The following CHRM3 variants were observed in gnomAD, a reference collection of about 807,000 sequenced individuals.
CHRM3 encodes cholinergic receptor muscarinic 3.
CHRM3 carries 11 observed loss-of-function variants against 41.8 expected under a neutral mutation model. The ratio of observed to expected loss-of-function variants is 0.26; its 90% CI spans 0.17 to 0.44. The LOEUF (loss-of-function observed/expected upper bound fraction) is 0.44. Ranked by LOEUF, CHRM3 falls within the 20% of genes least tolerant of loss-of-function variation. The probability of loss-of-function intolerance (pLI) is 1.00; values close to 1 mark genes in which losing one functional copy is unlikely to be tolerated. For synonymous variants in CHRM3, 297 were observed against 301.4 expected, an observed-to-expected ratio of 0.99 and a Z score of 0.15; for missense variants, 571 against 745.4, an observed-to-expected ratio of 0.77 and a Z score of 2.72.
rs1665208050 is a variant in CHRM3, at chr1:239,744,879, C to A, written c.-147+66591C>A. On this transcript the variant is annotated intron_variant, in intron 5 of 6. Transcript: ENST00000676153. ...GGGGAGTTGTCCATGAAGAGATGAT[C>A]CATTGGGGTGGGATCCTGAGCCTTG... Among the ~76,000 whole-genome samples the A allele has an allele frequency of 1.3e-5, 2 of 152,062 alleles. 1 individual carries two copies. Among genetic ancestry groups the A allele is most frequent in the African/African-American group, 4.8e-5 (2 of 41,478 alleles).
At chr1:239,552,507 T>TA (rs1553325442) in intron 3 of CHRM3, among the ~76,000 whole-genome samples, 4,048 of 145,836 alleles carry the variant, frequency 0.028, 84 homozygotes, top group Non-Finnish European at 0.044. Context: ...AATATATATT[T>TA]TATATATATA....
intron 2 of CHRM3, among the ~76,000 whole-genome samples, chr1:239,500,171 T>C (rs1668133786): frequency 6.6e-6 from 1 of 152,192 alleles, no homozygotes; most frequent in Admixed American, 6.5e-5. Context: ...GCAACACATA[T>C]GTTTATTGCA....
intron 2 of CHRM3, among the ~76,000 whole-genome samples, chr1:239,516,709 G>A (rs1288714703): frequency 2.0e-5 from 3 of 152,174 alleles, no homozygotes; most frequent in African/African-American, 7.2e-5. Flanking sequence ...GTCTGCTATG[G>A]CCTATTAGGA....
At chr1:239,713,486 A>G (rs1662021670) in intron 5 of CHRM3, among the ~76,000 whole-genome samples, 1 of 152,202 alleles carries the variant, frequency 6.6e-6, no homozygotes, top group African/African-American at 2.4e-5. Context: ...CAAGCTCCAA[A>G]TAAAATGTAA....
chr1:239,504,212 G>A (rs1392926728), intron 2 of CHRM3, among the ~76,000 whole-genome samples: 4 of 151,716 alleles, frequency 2.6e-5, no homozygotes, highest in African/African-American at 9.7e-5. Context: ...AAATCAGTAA[G>A]AGAAAAACAA....
chr1:239,643,585 T>G (rs1393189997), intron 4 of CHRM3, among the ~76,000 whole-genome samples: 2 of 152,188 alleles, frequency 1.3e-5, no homozygotes, highest in Non-Finnish European at 2.9e-5. Context: ...GTGCGGGATA[T>G]AATCTCCTGC....
intron 1 of CHRM3, among the ~76,000 whole-genome samples, chr1:239,483,630 T>C (rs1484784081): frequency 6.6e-6 from 1 of 152,170 alleles, no homozygotes; most frequent in Non-Finnish European, 1.5e-5. Flanking sequence ...TGAGAGATAA[T>C]TTAATCTGAA....
At chr1:239,802,683 A>G (rs2148928607) in intron 5 of CHRM3, among the ~76,000 whole-genome samples, 1 of 152,092 alleles carries the variant, frequency 6.6e-6, no homozygotes, top group East Asian at 1.9e-4. Context: ...TGCAGCCTCA[A>G]CCTCCCTGGG....
chr1:239,575,975 C>T (rs1233338203), intron 3 of CHRM3, among the ~76,000 whole-genome samples: 2 of 152,082 alleles, frequency 1.3e-5, no homozygotes, highest in Non-Finnish European at 2.9e-5. Flanking sequence ...CCTCCCCTAC[C>T]CCTGGTGACT....
chr1:239,637,463 C>T (rs1393288892), intron 4 of CHRM3, among the ~76,000 whole-genome samples: 1 of 146,388 alleles, frequency 6.8e-6, no homozygotes, highest in Non-Finnish European at 1.5e-5. Context: ...TCAAATGGTA[C>T]ACAAATTTTT....
At chr1:239,565,994 A>G (rs1661330973) in intron 3 of CHRM3, among the ~76,000 whole-genome samples, 1 of 145,776 alleles carries the variant, frequency 6.9e-6, no homozygotes, top group African/African-American at 2.6e-5. Flanking sequence ...GGCTCACTGC[A>G]GCCTTGAGCT....
chr1:239,718,578 G>A (rs12047255), intron 5 of CHRM3, among the ~76,000 whole-genome samples: 7,653 of 152,014 alleles, frequency 0.05, 217 homozygotes, highest in East Asian at 0.075. Flanking sequence ...CTGAGTGTTA[G>A]CAGTAAAACA....
chr1:239,463,594 A>T (rs1665512860), intron 1 of CHRM3, among the ~76,000 whole-genome samples: 1 of 152,178 alleles, frequency 6.6e-6, no homozygotes, highest in Non-Finnish European at 1.5e-5. Context: ...GAAATTGTGA[A>T]AATACAGGAC....
At chr1:239,640,999 A>G (rs1285073534) in intron 4 of CHRM3, among the ~76,000 whole-genome samples, 1 of 151,710 alleles carries the variant, frequency 6.6e-6, no homozygotes, top group African/African-American at 2.4e-5. Flanking sequence ...GAACATCTTT[A>G]TTTCTGCCTT....
intron 3 of CHRM3, among the ~76,000 whole-genome samples, chr1:239,598,347 A>C (rs1489625238): frequency 6.6e-6 from 1 of 152,160 alleles, no homozygotes; most frequent in Non-Finnish European, 1.5e-5. Context: ...ATGTTCCCTG[A>C]GATGAAATCG....
At chr1:239,568,793 A>T (rs2148524796) in intron 3 of CHRM3, among the ~76,000 whole-genome samples, 1 of 152,280 alleles carries the variant, frequency 6.6e-6, no homozygotes, top group South Asian at 2.1e-4. Context: ...CTCTGGATGC[A>T]AGCATGATAA....
At chr1:239,882,280 A>G (rs1261273971) in intron 6 of CHRM3, among the ~76,000 whole-genome samples, 2 of 152,120 alleles carry the variant, frequency 1.3e-5, no homozygotes, top group African/African-American at 4.8e-5. Context: ...TCATATGCTA[A>G]TTCGTAGTGG....
Position 239,411,720 on chromosome 1 carries a change from C to CAAAAAAA in CHRM3, c.-521+24517_-521+24523dup, listed in dbSNP as rs1161775399. Reference sequence around the variant, plus strand: ...AGCCTGGGCGACAGAGCCTCTGTCTCAAAAAAAAAAAAAAAAAAAAAAAAA... The same window carrying CAAAAAAA: ...AGCCTGGGCGACAGAGCCTCTGTCTCAAAAAAAAAAAAAAAAAAAAAAAAAAAAAAAA... On this transcript the variant is annotated intron_variant, in intron 1 of 6. Transcript: ENST00000676153. 7.5e-4 allele frequency among the ~76,000 whole-genome samples: 35 copies of CAAAAAAA among 46,734 alleles called. 2 individuals are homozygous for CAAAAAAA. The highest frequency in any genetic ancestry group is 1.2e-3 in the South Asian group (1 of 812). 30.7% of individuals were successfully genotyped at this position (46,734 alleles called of 152,430 possible). A position where few individuals can be genotyped will look rare whatever the true frequency, so the allele number is the denominator to read the frequency against.
chr1:239,549,667 A>C (rs1268280870), intron 3 of CHRM3, among the ~76,000 whole-genome samples: 1 of 151,216 alleles, frequency 6.6e-6, no homozygotes, highest in African/African-American at 2.4e-5. Flanking sequence ...TCTAAAAAAA[A>C]AAAAAAAAAA....
Sources: allele counts gnomAD v4.1 joint callset (sites outside exome capture counted in the v4.1 genomes callset), GRCh38; gene constraint gnomAD v4.1.1; transcripts MANE v1.5; gene names NCBI Gene and HGNC (gene_info 2026-07-23, HGNC 2026-07-21).